The following ATOSA variants were observed in gnomAD, a reference collection of about 807,000 sequenced individuals.
The protein encoded by ATOSA is atos homolog A.
At chr15:52,650,948 A>C in the ATOSA span, among the ~76,000 whole-genome samples, 2 of 152,242 alleles carry the variant, frequency 1.3e-5, no homozygotes, top group Non-Finnish European at 2.9e-5. Flanking sequence ...GAAAGATACA[A>C]AAAGACCTTT....
the ATOSA span, among the ~76,000 whole-genome samples, chr15:52,654,122 A>T: frequency 1.7e-5 from 2 of 117,612 alleles, no homozygotes; most frequent in Non-Finnish European, 3.7e-5. Context: ...TAATCCTTAA[A>T]CTTTAAAATT....
At chr15:52,593,757 A>T in the ATOSA span, 1 of 1,518,690 alleles carries the variant, frequency 6.6e-7, no homozygotes, top group Admixed American at 2.3e-5. Context: ...AAATAATTTT[A>T]AAAACTCAAT....
chr15:52,637,095 G>T, the ATOSA span, among the ~76,000 whole-genome samples: 4 of 152,080 alleles, frequency 2.6e-5, no homozygotes, highest in Non-Finnish European at 4.4e-5. Context: ...GGGAGAGCAG[G>T]GGTAGGAGTA....
the ATOSA span, among the ~76,000 whole-genome samples, chr15:52,620,796 G>A: frequency 2.4e-4 from 36 of 152,158 alleles, no homozygotes; most frequent in South Asian, 8.3e-4. Context: ...AAAATTAGCC[G>A]GTGTGGTGGC....
At chr15:52,613,871 G>T in the ATOSA span, 1 of 1,608,840 alleles carries the variant, frequency 6.2e-7, no homozygotes, top group South Asian at 1.1e-5. Flanking sequence ...ATATAAAAAA[G>T]GGGCAAAGGG....
chr15:52,664,131 C>CA, the ATOSA span, among the ~76,000 whole-genome samples: 16 of 152,318 alleles, frequency 1.1e-4, no homozygotes, highest in African/African-American at 3.6e-4. Flanking sequence ...GCCTTGTGCT[C>CA]AGTCCTTACT....
chr15:52,614,820 C>G, the ATOSA span, among the ~76,000 whole-genome samples: 3 of 151,858 alleles, frequency 2.0e-5, no homozygotes, highest in Non-Finnish European at 4.4e-5. Flanking sequence ...TGCACTCCAG[C>G]CTGGGCGACA....
the ATOSA span, among the ~76,000 whole-genome samples, chr15:52,594,662 CAA>C: frequency 2.6e-5 from 4 of 152,134 alleles, no homozygotes; most frequent in Admixed American, 2.6e-4. Context: ...GCCCTCTAAT[CAA>C]TCCAATCCAT....
chr15:52,597,794 TATGTAAAATGTGAATTGTCTTGGGCCAC>T, the ATOSA span, among the ~76,000 whole-genome samples: 1 of 152,174 alleles, frequency 6.6e-6, no homozygotes, highest in East Asian at 1.9e-4. Context: ...TCTTGGGGCA[TATGTAAAATGTGAATTGTCTTGGGCCAC>T]ATGTAAAATA....
chr15:52,610,530 G>T, the ATOSA span: 1 of 770,018 alleles, frequency 1.3e-6, no homozygotes, highest in Non-Finnish European at 2.0e-6. Flanking sequence ...ACTTTACCAT[G>T]CATATAATTC....
At chr15:52,665,559 T>A in the ATOSA span, among the ~76,000 whole-genome samples, 1 of 152,068 alleles carries the variant, frequency 6.6e-6, no homozygotes. Context: ...CTTTTTTTTT[T>A]ACCATAATCA....
the ATOSA span, chr15:52,601,098 A>C: frequency 3.3e-6 from 5 of 1,536,446 alleles, no homozygotes; most frequent in Admixed American, 4.2e-5. Flanking sequence ...TCTAGATGAG[A>C]AGCTTTTCAG....
At chr15:52,598,886 C>A in the ATOSA span, among the ~76,000 whole-genome samples, 1 of 152,122 alleles carries the variant, frequency 6.6e-6, no homozygotes, top group Non-Finnish European at 1.5e-5. Flanking sequence ...TAGGTTCTTA[C>A]GAGATCCGGT....
chr15:52,647,888 T>A, the ATOSA span, among the ~76,000 whole-genome samples: 1 of 152,188 alleles, frequency 6.6e-6, no homozygotes, highest in African/African-American at 2.4e-5. Context: ...TATTGACTAT[T>A]ATCTTTCTTC....
the ATOSA span, among the ~76,000 whole-genome samples, chr15:52,633,345 T>C: frequency 2.6e-5 from 4 of 152,120 alleles, no homozygotes; most frequent in Admixed American, 2.6e-4. Flanking sequence ...CCACTCAAAA[T>C]ATATAAAAGA....
chr15:52,697,138 C>T, the ATOSA span, among the ~76,000 whole-genome samples: 1 of 152,188 alleles, frequency 6.6e-6, no homozygotes, highest in South Asian at 2.1e-4. Context: ...TTCTCCTATC[C>T]TATGTTCTGA....
At chr15:52,587,753 G>T in the ATOSA span, 1 of 152,220 alleles carries the variant, frequency 6.6e-6, no homozygotes, top group South Asian at 2.1e-4. Flanking sequence ...CTACTTTATG[G>T]GATAAGAGAT....
chr15:52,607,944 A>G, the ATOSA span, among the ~76,000 whole-genome samples: 1 of 152,274 alleles, frequency 6.6e-6, no homozygotes, highest in East Asian at 1.9e-4. Context: ...GCAGTGGCAC[A>G]ATCATAGTTC....
the ATOSA span, among the ~76,000 whole-genome samples, chr15:52,680,600 C>G: frequency 2.6e-5 from 4 of 152,078 alleles, no homozygotes; most frequent in African/African-American, 9.7e-5. Flanking sequence ...GTAACATTTT[C>G]TAGTGCTTAG....
Sources: allele counts gnomAD v4.1 joint callset (sites outside exome capture counted in the v4.1 genomes callset), GRCh38; gene constraint gnomAD v4.1.1; transcripts MANE v1.5; gene names NCBI Gene and HGNC (gene_info 2026-07-23, HGNC 2026-07-21).